VPS13B: variants seen among roughly 807,000 people sequenced by gnomAD.
VPS13B encodes vacuolar protein sorting 13 homolog B.
Under a neutral mutation model 426.4 loss-of-function variants are expected in VPS13B, and 285 were observed. That is an observed-to-expected ratio of 0.67 (90% CI 0.61 to 0.74). The LOEUF (loss-of-function observed/expected upper bound fraction) is 0.74, where lower values mean the gene tolerates loss of function less well. Ranked by LOEUF, VPS13B falls within the 30% of genes least tolerant of loss-of-function variation. VPS13B has a pLI of 0.00. For missense variants in VPS13B, 4,537 were observed against 4,782.6 expected (o/e 0.95, Z 1.51); for synonymous variants, 1,676 against 1,676.4 (o/e 1.00, Z 0.01).
chr8:99,710,457 G>A (rs1319788564), intron 36 of VPS13B, among the ~76,000 whole-genome samples: 1 of 151,948 alleles, frequency 6.6e-6, no homozygotes, highest in Non-Finnish European at 1.5e-5. Flanking sequence ...GTTTATATGT[G>A]TGGTAATATA....
intron 33 of VPS13B, among the ~76,000 whole-genome samples, chr8:99,591,587 A>G (rs1826678409): frequency 6.6e-6 from 1 of 151,906 alleles, no homozygotes; most frequent in Non-Finnish European, 1.5e-5. Context: ...TCTGTAAAGG[A>G]TTTTATTTCT....
At chr8:99,508,992 A>T (rs1278897435) in intron 28 of VPS13B, among the ~76,000 whole-genome samples, 6 of 152,100 alleles carry the variant, frequency 3.9e-5, no homozygotes, top group Non-Finnish European at 8.8e-5. Context: ...AAATTAAAAC[A>T]TTTATACATT....
At chr8:99,774,290 T>C (rs1344266904) in intron 40 of VPS13B, among the ~76,000 whole-genome samples, 1 of 152,198 alleles carries the variant, frequency 6.6e-6, no homozygotes, top group African/African-American at 2.4e-5. Flanking sequence ...TGAAGGAGTA[T>C]TGCTGACTAG....
intron 55 of VPS13B, among the ~76,000 whole-genome samples, chr8:99,849,997 G>T (rs534299317): frequency 8.8e-6 from 1 of 113,306 alleles, no homozygotes; most frequent in East Asian, 2.7e-4. Flanking sequence ...ACATAAGTAC[G>T]CATGTATGTA....
chr8:99,040,108 A>T (rs1335671172), intron 3 of VPS13B, among the ~76,000 whole-genome samples: 2 of 152,136 alleles, frequency 1.3e-5, no homozygotes, highest in Admixed American at 6.5e-5. Flanking sequence ...AAAAATCCAG[A>T]CACTTAAGTA....
chr8:99,380,858 G>A (rs1309762084), intron 19 of VPS13B, among the ~76,000 whole-genome samples: 1 of 149,788 alleles, frequency 6.7e-6, no homozygotes, highest in Non-Finnish European at 1.5e-5. Flanking sequence ...CCTACCATCA[G>A]GCAGATACTT....
chr8:99,373,043 T>G lies in VPS13B; in HGVS notation c.2825-11165T>G, dbSNP rs370195174. On this transcript the variant is annotated intron_variant, in intron 19 of 61. Transcript: ENST00000357162. ...TATGAATGAAGCTGGAAGCCATCAT[T>G]CTGAGCAAACTAACACAGGAACAGA... 3.2e-4 allele frequency among the ~76,000 whole-genome samples: 49 copies of G among 152,320 alleles called. 1 individual carries two copies. The East Asian group carries it at 6.0e-3, about 19-fold the overall frequency.
intron 3 of VPS13B, among the ~76,000 whole-genome samples, chr8:99,049,624 G>A (rs1385321027): frequency 2.0e-5 from 3 of 151,716 alleles, no homozygotes; most frequent in Non-Finnish European, 4.4e-5. Context: ...CTTAACTGTA[G>A]ATAACCTGAT....
At chr8:99,346,200 C>G (rs887934479) in intron 19 of VPS13B, 1 of 152,198 alleles carries the variant, frequency 6.6e-6, no homozygotes, top group Admixed American at 6.5e-5. Flanking sequence ...AGGGGCTTGA[C>G]AGGGCAAAGC....
At chr8:99,574,821 C>T (rs1032522473) in intron 31 of VPS13B, among the ~76,000 whole-genome samples, 1 of 152,060 alleles carries the variant, frequency 6.6e-6, no homozygotes, top group Admixed American at 6.6e-5. Context: ...TTAACAGTCC[C>T]TACTTTACAT....
At chr8:99,773,866 C>G (rs1055216705) in intron 40 of VPS13B, among the ~76,000 whole-genome samples, 1 of 152,060 alleles carries the variant, frequency 6.6e-6, no homozygotes, top group Admixed American at 6.6e-5. Flanking sequence ...ATATTTTTTA[C>G]TTTTCTTTTT....
intron 36 of VPS13B, among the ~76,000 whole-genome samples, chr8:99,707,909 A>T (rs1212215027): frequency 6.6e-6 from 1 of 152,152 alleles, no homozygotes; most frequent in East Asian, 1.9e-4. Context: ...GTAGATCAAG[A>T]CCATTTTCTA....
intron 3 of VPS13B, among the ~76,000 whole-genome samples, chr8:99,053,371 A>G (rs979509018): frequency 6.6e-6 from 1 of 151,870 alleles, no homozygotes; most frequent in African/African-American, 2.4e-5. Flanking sequence ...ATTCCCACCT[A>G]TGAGTGAGAA....
intron 31 of VPS13B, among the ~76,000 whole-genome samples, chr8:99,568,801 T>G (rs1048734854): frequency 6.6e-6 from 1 of 151,252 alleles, no homozygotes; most frequent in Non-Finnish European, 1.5e-5. Flanking sequence ...AACCACAAGT[T>G]TTTTTTTGTT....
At chr8:99,699,972 A>G (rs759422569) in intron 36 of VPS13B, 40 bp downstream of exon 36, 30 of 1,601,532 alleles carry the variant, frequency 1.9e-5, no homozygotes, top group Non-Finnish European at 2.5e-5. Context: ...CAGAACAAGT[A>G]AGATGATTTG....
intron 19 of VPS13B, among the ~76,000 whole-genome samples, chr8:99,371,641 T>C (rs950924500): frequency 6.6e-6 from 1 of 152,260 alleles, no homozygotes; most frequent in African/African-American, 2.4e-5. Context: ...GGAATAGCAC[T>C]GAGTCTGTAA....
chr8:99,791,720 T>TAAAAAAAAAAAAAA (rs1163608239), intron 43 of VPS13B, among the ~76,000 whole-genome samples: 1 of 90,070 alleles, frequency 1.1e-5, no homozygotes, highest in Non-Finnish European at 2.3e-5. Context: ...GAACAGAACT[T>TAAAAAAAAAAAAAA]AAAAAAAAAA....
chr8:99,029,471 C>A (rs1842393693), intron 2 of VPS13B, among the ~76,000 whole-genome samples: 2 of 152,084 alleles, frequency 1.3e-5, no homozygotes, highest in South Asian at 4.1e-4. Context: ...CACTGCACTC[C>A]AGCCTGGGCA....
intron 33 of VPS13B, among the ~76,000 whole-genome samples, chr8:99,585,325 A>G (rs1161724472): frequency 6.6e-6 from 1 of 152,186 alleles, no homozygotes; most frequent in Non-Finnish European, 1.5e-5. Flanking sequence ...TTTTAATGAA[A>G]TTTGTTATGC....
Sources: gnomAD v4.1 joint callset for allele counts (sites outside exome capture counted in the v4.1 genomes callset) on GRCh38, gnomAD v4.1.1 for gene constraint, MANE v1.5 for transcripts, NCBI Gene and HGNC (gene_info 2026-07-23, HGNC 2026-07-21) for gene names.